PDE4D: variants seen among roughly 807,000 people sequenced by gnomAD.
PDE4D encodes 3',5'-cyclic-AMP phosphodiesterase 4D.
A neutral mutation model predicts 87.4 loss-of-function variants in PDE4D; 24 were observed. The ratio of observed to expected loss-of-function variants is 0.27; its 90% CI spans 0.20 to 0.39. PDE4D has a LOEUF of 0.39. PDE4D is among the 10% of genes least tolerant of loss of function. The probability of loss-of-function intolerance (pLI) is 1.00; values close to 1 mark genes in which losing one functional copy is unlikely to be tolerated. For synonymous variants in PDE4D, 384 were observed against 383.2 expected, an observed-to-expected ratio of 1.00 and a Z score of -0.02; for missense variants, 714 against 1,041.0, an observed-to-expected ratio of 0.69 and a Z score of 4.32.
At chr5:60,223,072 T>G (rs2149601811) in intron 1 of PDE4D, among the ~76,000 whole-genome samples, 1 of 152,246 alleles carries the variant, frequency 6.6e-6, no homozygotes, top group South Asian at 2.1e-4. Context: ...CTGGGATCCT[T>G]CTTGTTAAGT....
chr5:59,922,838 G>A (rs1754821313), intron 3 of PDE4D, among the ~76,000 whole-genome samples: 1 of 151,942 alleles, frequency 6.6e-6, no homozygotes, highest in Non-Finnish European at 1.5e-5. Context: ...GAAGGGTAAA[G>A]AGGACTTTGT....
intron 1 of PDE4D, among the ~76,000 whole-genome samples, chr5:60,292,300 G>A (rs368500754): frequency 2.0e-5 from 3 of 152,134 alleles, no homozygotes; most frequent in African/African-American, 7.2e-5. Context: ...AGAGGGTCTA[G>A]GCATGGCTAA....
At chr5:60,455,538 A>G (rs982257941) in intron 1 of PDE4D, among the ~76,000 whole-genome samples, 2 of 152,310 alleles carry the variant, frequency 1.3e-5, no homozygotes, top group Non-Finnish European at 2.9e-5. Context: ...ACAAGTACAA[A>G]CTACAGTAAA....
intron 5 of PDE4D, among the ~76,000 whole-genome samples, chr5:59,147,247 T>G (rs913781447): frequency 5.9e-5 from 9 of 152,216 alleles, no homozygotes; most frequent in African/African-American, 1.4e-4. Flanking sequence ...TTTTAAAAAT[T>G]GAATGTCTTT....
chr5:60,403,551 G>T (rs529955288), intron 1 of PDE4D, among the ~76,000 whole-genome samples: 3 of 152,226 alleles, frequency 2.0e-5, no homozygotes, highest in Non-Finnish European at 4.4e-5. Flanking sequence ...TGTGTGCCAG[G>T]TCTTGCACCA....
At chr5:60,157,724 CAGAT>C (rs1398862012) in intron 2 of PDE4D, among the ~76,000 whole-genome samples, 1 of 152,194 alleles carries the variant, frequency 6.6e-6, no homozygotes. Context: ...TCTTTCTTCT[CAGAT>C]AGTGCAATGA....
chr5:60,333,177 G>A (rs1478486066), intron 1 of PDE4D, among the ~76,000 whole-genome samples: 4 of 152,176 alleles, frequency 2.6e-5, no homozygotes, highest in Non-Finnish European at 5.9e-5. Flanking sequence ...GTTCAGGTAT[G>A]ACTCGCTCCC....
chr5:60,451,237 T>C (rs1746073694), intron 1 of PDE4D, among the ~76,000 whole-genome samples: 1 of 152,132 alleles, frequency 6.6e-6, no homozygotes, highest in Non-Finnish European at 1.5e-5. Flanking sequence ...GATCACTTTT[T>C]AAACTGTTTT....
At chr5:59,084,578 C>G (rs1445475502) in intron 5 of PDE4D, among the ~76,000 whole-genome samples, 1 of 151,694 alleles carries the variant, frequency 6.6e-6, no homozygotes, top group East Asian at 1.9e-4. Context: ...TTCTTAATCT[C>G]TAAAGAACAC....
chr5:59,516,495 A>G (rs557180552), intron 1 of PDE4D, among the ~76,000 whole-genome samples: 66 of 152,266 alleles, frequency 4.3e-4, no homozygotes, highest in African/African-American at 1.5e-3. Flanking sequence ...TTTCCTCCCT[A>G]TTGCTCTAGA....
intron 1 of PDE4D, among the ~76,000 whole-genome samples, chr5:59,704,883 C>A (rs1215104119): frequency 6.6e-6 from 1 of 152,128 alleles, no homozygotes; most frequent in Non-Finnish European, 1.5e-5. Context: ...AAAATGTTTC[C>A]TTTGAAATAT....
intron 2 of PDE4D, among the ~76,000 whole-genome samples, chr5:60,172,208 A>T (rs963358990): frequency 6.7e-6 from 1 of 149,504 alleles, no homozygotes; most frequent in Non-Finnish European, 1.5e-5. Context: ...TATTGCATCA[A>T]CCAAATTACT....
In PDE4D at chr5:59,602,360, C is replaced by T. The variant is rs547139463; in HGVS notation, c.455+290808G>A. Reference sequence around the variant, plus strand: ...AAAGCTTTTCCTTTAAGATCCAGAGCAAGAAAAGATGGCCACTCTTGCCAC... The same window carrying T: ...AAAGCTTTTCCTTTAAGATCCAGAGTAAGAAAAGATGGCCACTCTTGCCAC... On this transcript the variant is annotated intron_variant, in intron 1 of 14. Transcript: ENST00000340635. Among the ~76,000 whole-genome samples the T allele has an allele frequency of 2.6e-5, 4 of 152,082 alleles. No homozygotes were observed. The South Asian group carries it at 8.3e-4, about 32-fold the overall frequency.
intron 1 of PDE4D, among the ~76,000 whole-genome samples, chr5:59,328,837 C>T (rs960425389): frequency 2.0e-5 from 3 of 152,206 alleles, no homozygotes; most frequent in Non-Finnish European, 4.4e-5. Flanking sequence ...CAATTGAATA[C>T]GTGTACTTGA....
At chr5:59,175,984 G>A (rs10079544) in intron 5 of PDE4D, among the ~76,000 whole-genome samples, 23,049 of 151,778 alleles carry the variant, frequency 0.15, 2,083 homozygotes, top group Non-Finnish European at 0.21. Context: ...ACAGTCCTAA[G>A]TGTTAGGTAC....
intron 5 of PDE4D, among the ~76,000 whole-genome samples, chr5:59,157,661 A>G (rs953953699): frequency 2.0e-5 from 3 of 152,230 alleles, no homozygotes; most frequent in African/African-American, 7.2e-5. Context: ...AAAACCAACC[A>G]AACACATAAT....
intron 1 of PDE4D, among the ~76,000 whole-genome samples, chr5:60,407,444 CTTTTTTTT>C (rs70975385): frequency 1.6e-4 from 13 of 80,098 alleles, no homozygotes; most frequent in Admixed American, 2.9e-4. Flanking sequence ...TTTCTTTTTC[CTTTTTTTT>C]TTTTTTTTTT....
chr5:60,367,626 T>C (rs527426807), intron 1 of PDE4D, among the ~76,000 whole-genome samples: 1 of 152,260 alleles, frequency 6.6e-6, no homozygotes, highest in Admixed American at 6.5e-5. Flanking sequence ...ATCTCACAGT[T>C]CAATTTCATG....
intron 1 of PDE4D, among the ~76,000 whole-genome samples, chr5:60,376,558 T>G (rs1269238154): frequency 2.6e-5 from 4 of 152,220 alleles, no homozygotes; most frequent in African/African-American, 9.6e-5. Flanking sequence ...TCTGCTCATA[T>G]GTCCTTCATG....
Sources: gnomAD v4.1 joint callset for allele counts (sites outside exome capture counted in the v4.1 genomes callset) on GRCh38, gnomAD v4.1.1 for gene constraint, MANE v1.5 for transcripts, NCBI Gene and HGNC (gene_info 2026-07-23, HGNC 2026-07-21) for gene names.